The following MYOF variants were observed in gnomAD, a reference collection of about 807,000 sequenced individuals.
MYOF encodes the protein myoferlin.
In MYOF, 244 loss-of-function variants were observed where a neutral mutation model predicts 284.2. The observed-to-expected ratio is 0.86, with a 90% confidence interval of 0.77 to 0.95. The LOEUF (loss-of-function observed/expected upper bound fraction) is 0.95, where lower values mean the gene tolerates loss of function less well. Ranked by LOEUF, MYOF falls within the 40% of genes least tolerant of loss-of-function variation. The pLI is 0.00. For synonymous variants in MYOF, 904 were observed against 919.7 expected (o/e 0.98, Z 0.31); for missense variants, 2,496 against 2,560.6 (o/e 0.97, Z 0.54).
chr10:93,362,069 C>CTCT (rs1318914558), intron 27 of MYOF, among the ~76,000 whole-genome samples: 2 of 151,244 alleles, frequency 1.3e-5, no homozygotes, highest in Admixed American at 1.3e-4. Flanking sequence ...CTGCCTTAAC[C>CTCT]TCTTGAGTAG....
intron 49 of MYOF, among the ~76,000 whole-genome samples, chr10:93,318,203 T>C (rs1221239368): frequency 6.6e-6 from 1 of 152,192 alleles, no homozygotes; most frequent in Non-Finnish European, 1.5e-5. Flanking sequence ...GGAGAATGGC[T>C]TGATCCTTGG....
At chr10:93,396,623 G>A (rs1423308901) in intron 15 of MYOF, among the ~76,000 whole-genome samples, 1 of 152,310 alleles carries the variant, frequency 6.6e-6, no homozygotes, top group East Asian at 1.9e-4. Flanking sequence ...CAATACCATT[G>A]TCATAAAATG....
chr10:93,397,663 AC>A (rs1379005058), intron 13 of MYOF, among the ~76,000 whole-genome samples: 1 of 151,512 alleles, frequency 6.6e-6, no homozygotes, highest in Admixed American at 6.6e-5. Context: ...CTTGCTTTTA[AC>A]CTTTTTTTAA....
chr10:93,354,981 T>C (rs1436215633), intron 31 of MYOF, among the ~76,000 whole-genome samples: 2 of 152,214 alleles, frequency 1.3e-5, no homozygotes, highest in Non-Finnish European at 2.9e-5. Context: ...TCTGTCTCAT[T>C]CCAAAAATCC....
At chr10:93,462,931 C>T (rs1031833543) in intron 1 of MYOF, among the ~76,000 whole-genome samples, 20 of 152,184 alleles carry the variant, frequency 1.3e-4, no homozygotes, top group Admixed American at 7.2e-4. Context: ...CTGGCTCCTG[C>T]GTCTAATTTT....
At chr10:93,473,869 A>C (rs871426) in intron 1 of MYOF, among the ~76,000 whole-genome samples, 110,050 of 151,990 alleles carry the variant, frequency 0.72, 41,271 homozygotes, top group Non-Finnish European at 0.83. Context: ...AAGACAGCAA[A>C]ATTTGTCTTC....
At chr10:93,435,950 T>A (rs1849099962) in intron 3 of MYOF, among the ~76,000 whole-genome samples, 2 of 151,354 alleles carry the variant, frequency 1.3e-5, no homozygotes, top group South Asian at 2.1e-4. Context: ...TTTTTTTTTT[T>A]AAAGTCCTAC....
intron 39 of MYOF, chr10:93,338,472 T>C (rs774087389): frequency 2.2e-5 from 10 of 456,794 alleles, no homozygotes; most frequent in African/African-American, 2.0e-4. Flanking sequence ...CTTCATCCAC[T>C]GAATGCAATA....
At chr10:93,438,336 T>C (rs953550750) in intron 3 of MYOF, among the ~76,000 whole-genome samples, 1 of 152,142 alleles carries the variant, frequency 6.6e-6, no homozygotes, top group Non-Finnish European at 1.5e-5. Flanking sequence ...TTCCTGCCCA[T>C]ACTGTACCAG....
intron 36 of MYOF, 141 bp from the exon 37 acceptor site, chr10:93,347,923 G>A: frequency 1.2e-6 from 1 of 826,940 alleles, no homozygotes; most frequent in Non-Finnish European, 1.8e-6. Flanking sequence ...CATGTGCCAG[G>A]CAAGGAGCTC....
Position 93,310,596 on chromosome 10 carries a change from G to C in MYOF, c.5937C>G (p.Asp1979Glu). 1 of 1,614,166 alleles carries C rather than the reference G, an allele frequency of 6.2e-7. No homozygotes were observed. The change falls in exon 52 of 54, where the codon GAC becomes GAG. Residue 1979 changes from aspartate to glutamate, a missense_variant. Asp to Glu is a conservative substitution (Grantham distance 45). Transcript: ENST00000359263. ...CCCGCCCCTTCCCGGCTGGCCTCTC[G>C]TCGGCCTCCTTCTCGTTGAGGATTT... ...TLEILNEKEA[D>E]ERPAGKGRDE...
intron 31 of MYOF, among the ~76,000 whole-genome samples, chr10:93,354,718 G>A (rs1302295233): frequency 1.0e-5 from 1 of 96,540 alleles, no homozygotes; most frequent in African/African-American, 3.3e-5. Context: ...AGATAGCAGA[G>A]CATTATGATT....
chr10:93,448,662 A>T (rs917328029), intron 3 of MYOF, among the ~76,000 whole-genome samples: 1 of 152,130 alleles, frequency 6.6e-6, no homozygotes, highest in Non-Finnish European at 1.5e-5. Context: ...CAGACTTTGG[A>T]AAGGAAGAAA....
intron 3 of MYOF, among the ~76,000 whole-genome samples, chr10:93,446,378 G>A (rs1011816626): frequency 2.0e-5 from 3 of 152,136 alleles, no homozygotes; most frequent in Non-Finnish European, 4.4e-5. Context: ...CAGTGTTACC[G>A]GGAAATTAAC....
chr10:93,467,927 C>T (rs2057050803), intron 1 of MYOF, among the ~76,000 whole-genome samples: 1 of 152,178 alleles, frequency 6.6e-6, no homozygotes, highest in South Asian at 2.1e-4. Flanking sequence ...TTCAGACCTT[C>T]CAGTGGTGTG....
At chr10:93,424,573 T>C (rs144354624) in intron 5 of MYOF, among the ~76,000 whole-genome samples, 2,947 of 152,218 alleles carry the variant, frequency 0.019, 51 homozygotes, top group Non-Finnish European at 0.03. Context: ...AGGGTGCCGC[T>C]AGGAAGAGGG....
At chr10:93,469,703 T>C (rs1178450450) in intron 1 of MYOF, among the ~76,000 whole-genome samples, 1 of 152,142 alleles carries the variant, frequency 6.6e-6, no homozygotes, top group African/African-American at 2.4e-5. Context: ...TTCACGTGCC[T>C]GACCACAGGA....
At chr10:93,408,101 T>A (rs1310483569) in intron 7 of MYOF, among the ~76,000 whole-genome samples, 1 of 152,116 alleles carries the variant, frequency 6.6e-6, no homozygotes. Context: ...CTTGAAAATC[T>A]GGGCTCAAGC....
chr10:93,401,531 T>A lies in MYOF; in HGVS notation c.1004A>T (p.Asp335Val), dbSNP rs760206788. 1.2e-6 allele frequency: 2 copies of A among 1,614,000 alleles called. No individual in the cohort carries two copies. The highest frequency in any genetic ancestry group is 1.7e-6 in the Non-Finnish European group (2 of 1,179,974). Residue 335 changes from aspartate (D) to valine (V), a missense_variant, in exon 12 of 54, where the codon GAT becomes GTT. Physicochemically the swap from Asp to Val is radical, Grantham distance 152. This residue lies in a region of MYOF where 2,436 missense variants were observed against 2,480.7 expected (regional missense o/e 0.98). Transcript: ENST00000359263. ...TGDEPPPERR[D>V]RDNDSDDVES... ...CACATCATCACTGTCATTATCACGA[T>A]CTCGTCTCTCAGGCTATTAGGGGCA...
Sources: allele counts gnomAD v4.1 joint callset (sites outside exome capture counted in the v4.1 genomes callset), GRCh38; gene constraint gnomAD v4.1.1; regional missense constraint gnomAD v4.1.1; transcripts MANE v1.5; gene names NCBI Gene and HGNC (gene_info 2026-07-23, HGNC 2026-07-21).